TENM3: variants seen among roughly 807,000 people sequenced by gnomAD.
TENM3 encodes the protein teneurin-3.
In TENM3, 63 loss-of-function variants were observed where a neutral mutation model predicts 255.1. The observed-to-expected ratio is 0.25, with a 90% confidence interval of 0.20 to 0.30. The LOEUF is 0.30. TENM3 is among the 10% of genes least tolerant of loss of function. The probability of loss-of-function intolerance (pLI) is 1.00; values close to 1 mark genes in which losing one functional copy is unlikely to be tolerated. For synonymous variants in TENM3, 1,306 were observed against 1,322.3 expected (o/e 0.99, Z 0.27); for missense variants, 2,929 against 3,461.1 (o/e 0.85, Z 3.86).
intron 4 of TENM3, among the ~76,000 whole-genome samples, chr4:182,616,530 A>AT (rs1249169672): frequency 6.6e-6 from 1 of 150,522 alleles, no homozygotes; most frequent in Non-Finnish European, 1.5e-5. Flanking sequence ...AATAAAAAAA[A>AT]AAAAAAAAAG....
At chr4:182,100,092 C>T in the TENM3 span, among the ~76,000 whole-genome samples, 1 of 152,030 alleles carries the variant, frequency 6.6e-6, no homozygotes, top group Non-Finnish European at 1.5e-5. Flanking sequence ...AAGTCTAACA[C>T]ACAATTTGCC....
intron 3 of TENM3, among the ~76,000 whole-genome samples, chr4:182,371,907 T>C (rs911440628): frequency 4.0e-5 from 6 of 151,156 alleles, no homozygotes; most frequent in South Asian, 2.1e-4. Context: ...TAAAAGTCGA[T>C]GCAACTTTAA....
chr4:182,058,945 C>CGTGTGTGTGTGTGTGTGTGTGT, the TENM3 span, among the ~76,000 whole-genome samples: 52 of 139,120 alleles, frequency 3.7e-4, no homozygotes, highest in Non-Finnish European at 4.6e-4. Context: ...AGTCATAGCT[C>CGTGTGTGTGTGTGTGTGTGTGT]GTGTGTGTGT....
the TENM3 span, among the ~76,000 whole-genome samples, chr4:181,574,453 C>A: frequency 6.6e-6 from 1 of 151,764 alleles, no homozygotes; most frequent in African/African-American, 2.4e-5. Context: ...ATGGCGTGAA[C>A]CCGGGAGGCG....
intron 3 of TENM3, among the ~76,000 whole-genome samples, chr4:182,525,909 G>A (rs962791348): frequency 2.0e-5 from 3 of 152,230 alleles, no homozygotes; most frequent in Admixed American, 1.3e-4. Flanking sequence ...TACTGATTTA[G>A]ATTATTTTCT....
the TENM3 span, among the ~76,000 whole-genome samples, chr4:182,001,250 A>G: frequency 3.0e-4 from 46 of 152,168 alleles, no homozygotes; most frequent in Admixed American, 7.2e-4. Flanking sequence ...AATATAAAAA[A>G]AACTCTACAA....
chr4:182,746,573 A>G (rs1398566492), intron 19 of TENM3, among the ~76,000 whole-genome samples: 2 of 152,168 alleles, frequency 1.3e-5, no homozygotes, highest in East Asian at 3.9e-4. Context: ...ATTCTCTCCT[A>G]TAGGATACCT....
chr4:182,592,152 G>A (rs1370311847), intron 3 of TENM3, among the ~76,000 whole-genome samples: 2 of 136,466 alleles, frequency 1.5e-5, no homozygotes, highest in African/African-American at 2.8e-5. Flanking sequence ...TTTTACATCT[G>A]CAACAGATTT....
At chr4:181,858,193 C>A in the TENM3 span, among the ~76,000 whole-genome samples, 3 of 152,228 alleles carry the variant, frequency 2.0e-5, no homozygotes, top group East Asian at 3.8e-4. Flanking sequence ...CTCAACAGAT[C>A]TTCCCACCTC....
At chr4:181,529,646 A>C in the TENM3 span, among the ~76,000 whole-genome samples, 1 of 152,186 alleles carries the variant, frequency 6.6e-6, no homozygotes, top group Non-Finnish European at 1.5e-5. Flanking sequence ...GCACTTGGAA[A>C]TAAAGATACC....
At chr4:182,579,368 A>G (rs1414900110) in intron 3 of TENM3, among the ~76,000 whole-genome samples, 6 of 72,906 alleles carry the variant, frequency 8.2e-5, no homozygotes, top group Non-Finnish European at 2.5e-4. Context: ...ATGGGAAAAC[A>G]GAGGAAAGAA....
intron 19 of TENM3, among the ~76,000 whole-genome samples, chr4:182,749,768 A>G (rs1234048080): frequency 1.3e-5 from 2 of 152,182 alleles, no homozygotes; most frequent in African/African-American, 2.4e-5. Flanking sequence ...AGAAGAAAAA[A>G]AAGTATGTGT....
the TENM3 span, among the ~76,000 whole-genome samples, chr4:181,908,945 A>T: frequency 6.6e-6 from 1 of 152,204 alleles, no homozygotes; most frequent in Admixed American, 6.5e-5. Flanking sequence ...TACTCCCACT[A>T]TTTGGTTATA....
intron 3 of TENM3, among the ~76,000 whole-genome samples, chr4:182,411,275 C>T (rs538200544): frequency 6.6e-5 from 10 of 152,308 alleles, no homozygotes; most frequent in African/African-American, 2.2e-4. Context: ...CAATTTTTAG[C>T]ATACTTTGTT....
chr4:182,553,384 G>A (rs1742256935), intron 3 of TENM3, among the ~76,000 whole-genome samples: 1 of 126,822 alleles, frequency 7.9e-6, no homozygotes, highest in East Asian at 2.8e-4. Context: ...CTGTCGTGGG[G>A]TGGGGGGAGG....
At chr4:182,334,356 A>G (rs760643106) in intron 2 of TENM3, among the ~76,000 whole-genome samples, 12 of 152,186 alleles carry the variant, frequency 7.9e-5, no homozygotes, top group Non-Finnish European at 1.2e-4. Flanking sequence ...ATTCTCCCCA[A>G]ATTAATGCAT....
At chr4:182,530,713 C>T (rs1426715717) in intron 3 of TENM3, among the ~76,000 whole-genome samples, 1 of 152,114 alleles carries the variant, frequency 6.6e-6, no homozygotes, top group East Asian at 1.9e-4. Flanking sequence ...TAGCCTGGAG[C>T]ATAGTTGCAG....
chr4:181,928,605 C>G, the TENM3 span, among the ~76,000 whole-genome samples: 2 of 151,962 alleles, frequency 1.3e-5, no homozygotes, highest in African/African-American at 4.8e-5. Context: ...GGAAAACACT[C>G]TTCGGGATAT....
chr4:181,839,672 G>A, the TENM3 span, among the ~76,000 whole-genome samples: 1 of 150,980 alleles, frequency 6.6e-6, no homozygotes, highest in East Asian at 2.0e-4. Context: ...GTTTGGGGGT[G>A]CTTTTTCACT....
Sources: allele counts gnomAD v4.1 joint callset (sites outside exome capture counted in the v4.1 genomes callset), GRCh38; gene constraint gnomAD v4.1.1; transcripts MANE v1.5; gene names NCBI Gene and HGNC (gene_info 2026-07-23, HGNC 2026-07-21).